CLASP2: variants seen among roughly 807,000 people sequenced by gnomAD.
CLASP2 encodes the protein cytoplasmic linker associated protein 2.
Under a neutral mutation model 194.4 loss-of-function variants are expected in CLASP2, and 47 were observed. That is an observed-to-expected ratio of 0.24 (90% CI 0.19 to 0.31). The LOEUF is 0.31. Ranked by LOEUF, CLASP2 falls within the 10% of genes least tolerant of loss-of-function variation. The pLI, the probability that CLASP2 is intolerant of heterozygous loss-of-function variation, is 1.00. For missense variants in CLASP2, 1,445 were observed against 1,823.6 expected (o/e 0.79, Z 3.78); for synonymous variants, 619 against 633.5 (o/e 0.98, Z 0.34).
At chr3:33,516,897 G>T in intron 35 of CLASP2, 84 bp downstream of exon 35, 2 of 1,172,414 alleles carry the variant, frequency 1.7e-6, no homozygotes, top group Non-Finnish European at 2.5e-6. Flanking sequence ...TCTCCCAATT[G>T]CTAAATCCGT....
At chr3:33,507,129 G>A (rs1052650485) in intron 37 of CLASP2, among the ~76,000 whole-genome samples, 1 of 151,888 alleles carries the variant, frequency 6.6e-6, no homozygotes, top group Admixed American at 6.6e-5. Flanking sequence ...TACTAGAGAC[G>A]GGGTTTCACT....
intron 12 of CLASP2, among the ~76,000 whole-genome samples, chr3:33,617,237 CT>C (rs202056691): frequency 3.3e-5 from 5 of 151,702 alleles, no homozygotes; most frequent in Admixed American, 6.6e-5. Flanking sequence ...AATAAACTTA[CT>C]TTTTTTTAAC....
chr3:33,650,405 T>C (rs1009683594), intron 7 of CLASP2, among the ~76,000 whole-genome samples: 1 of 152,250 alleles, frequency 6.6e-6, no homozygotes, highest in East Asian at 1.9e-4. Flanking sequence ...TTGGCACTTT[T>C]GTTCTTGCTC....
chr3:33,611,954 G>T, intron 13 of CLASP2, 47 bp downstream of exon 13: 1 of 1,235,156 alleles, frequency 8.1e-7, no homozygotes, highest in Non-Finnish European at 1.2e-6. Context: ...AAACAATGCA[G>T]TATCAGAGCT....
At chr3:33,621,865 A>T (rs1420197356) in intron 11 of CLASP2, among the ~76,000 whole-genome samples, 1 of 152,188 alleles carries the variant, frequency 6.6e-6, no homozygotes, top group African/African-American at 2.4e-5. Flanking sequence ...ATTCATTTTC[A>T]TCTTATACTT....
At chr3:33,604,246 AT>A in intron 16 of CLASP2, 37 bp from the exon 17 acceptor site, 1 of 1,326,114 alleles carries the variant, frequency 7.5e-7, no homozygotes, top group Non-Finnish European at 1.1e-6. Context: ...TAAGAAGACA[AT>A]TTAACACTCC....
At chr3:33,542,363 ATATG>A (rs1268027950) in intron 32 of CLASP2, among the ~76,000 whole-genome samples, 2 of 148,504 alleles carry the variant, frequency 1.3e-5, no homozygotes, top group Non-Finnish European at 3.0e-5. Context: ...AATTACATAT[ATATG>A]TAATGAATTA....
At chr3:33,647,139 A>C (rs1034811465) in intron 7 of CLASP2, among the ~76,000 whole-genome samples, 3 of 152,212 alleles carry the variant, frequency 2.0e-5, no homozygotes, top group African/African-American at 7.2e-5. Flanking sequence ...AGGTAAGCAA[A>C]CAAAGTCAAA....
At chr3:33,535,579 C>T (rs1223193208) in intron 33 of CLASP2, 118 bp from the exon 34 acceptor site, 4 of 800,292 alleles carry the variant, frequency 5.0e-6, no homozygotes, top group African/African-American at 1.7e-5. Context: ...TAACAATAAC[C>T]AGCTAAAAAA....
intron 23 of CLASP2, among the ~76,000 whole-genome samples, chr3:33,579,979 A>G (rs2065670826): frequency 6.6e-6 from 1 of 152,220 alleles, no homozygotes; most frequent in Admixed American, 6.5e-5. Context: ...GCGCATGCAC[A>G]TGCACACATA....
Position 33,577,235 on chromosome 3 carries a change from C to T in CLASP2, c.2348-960G>A, listed in dbSNP as rs764598812. The T allele has an allele frequency of 4.4e-5, 71 of 1,597,920 alleles. 1 individual carries two copies. In the Middle Eastern group the frequency reaches 6.6e-4, roughly 15 times the overall value. On this transcript the variant is annotated intron_variant, in intron 23 of 38. Coordinates refer to ENST00000682230, the MANE Select transcript of CLASP2 (RefSeq NM_001365631.1). ...CCATACACTTCGGGGGCGTAGAGGG[C>T]ACCAGTTGATCTGGAATGGTGTCTG...
At chr3:33,717,356 C>G (rs2093344234) in intron 1 of CLASP2, among the ~76,000 whole-genome samples, 1 of 152,136 alleles carries the variant, frequency 6.6e-6, no homozygotes, top group Admixed American at 6.5e-5. Context: ...ACAAGTCAGT[C>G]CTCGGCTCGC....
intron 2 of CLASP2, among the ~76,000 whole-genome samples, chr3:33,696,388 G>T: frequency 7.5e-6 from 1 of 133,826 alleles, no homozygotes; most frequent in Non-Finnish European, 1.6e-5. Flanking sequence ...TGCCTCAAAG[G>T]TGATTTAAGT....
In CLASP2 at chr3:33,622,162, A is replaced by G. The variant is rs1259879101; in HGVS notation, c.1154T>C (p.Val385Ala). ...TACAGTAATACAAGCTTCTCTAACC[A>G]CCTGGGATCTAAGATCCTTAGCTGA... ...KLSAKDLRSQ[V>A]VREACITVAH... Residue 385 changes from valine to alanine, a missense_variant, in exon 11 of 39, where the codon GTG (valine) becomes GCG (alanine). Val to Ala is a moderately conservative substitution (Grantham distance 64). Transcript: ENST00000682230. 1 of 1,594,188 alleles carries G rather than the reference A, an allele frequency of 6.3e-7. No individual in the cohort carries two copies. Among genetic ancestry groups the G allele is most frequent in the Non-Finnish European group, 8.5e-7 (1 of 1,172,494 alleles).
chr3:33,669,512 C>T (rs539772697), intron 6 of CLASP2, among the ~76,000 whole-genome samples: 6 of 151,436 alleles, frequency 4.0e-5, no homozygotes, highest in African/African-American at 7.3e-5. Flanking sequence ...AAGCATATAG[C>T]ATTGACAATG....
At chr3:33,688,452 C>A in intron 3 of CLASP2, 84 bp from the exon 4 acceptor site, 1 of 996,414 alleles carries the variant, frequency 1.0e-6, no homozygotes, top group Non-Finnish European at 1.5e-6. Context: ...ATCTTACTAC[C>A]AACCTTATCG....
At chr3:33,670,937 T>G (rs539201236) in intron 6 of CLASP2, among the ~76,000 whole-genome samples, 1 of 152,294 alleles carries the variant, frequency 6.6e-6, no homozygotes, top group Admixed American at 6.5e-5. Context: ...CTTAACAATG[T>G]CTGACCTTAA....
chr3:33,507,748 T>G (rs1034479972), intron 37 of CLASP2, among the ~76,000 whole-genome samples: 3 of 152,086 alleles, frequency 2.0e-5, no homozygotes, highest in Non-Finnish European at 4.4e-5. Context: ...CCTCCCAAAG[T>G]GTTGGGTTTA....
intron 6 of CLASP2, among the ~76,000 whole-genome samples, chr3:33,666,486 G>A (rs1376856230): frequency 6.6e-6 from 1 of 152,130 alleles, no homozygotes; most frequent in East Asian, 1.9e-4. Flanking sequence ...GGCCTTTTGT[G>A]ACTGGCTTCT....
Sources: gnomAD v4.1 joint callset for allele counts (sites outside exome capture counted in the v4.1 genomes callset) on GRCh38, gnomAD v4.1.1 for gene constraint, MANE v1.5 for transcripts, NCBI Gene and HGNC (gene_info 2026-07-23, HGNC 2026-07-21) for gene names.